The following ZYX variants were observed in gnomAD, a reference collection of about 807,000 sequenced individuals.
The protein encoded by ZYX is zyxin.
ZYX carries 37 observed loss-of-function variants against 58.1 expected under a neutral mutation model. The observed-to-expected ratio is 0.64, with a 90% CI of 0.49 to 0.84. ZYX has a LOEUF of 0.84. Among genes scored for constraint, ZYX ranks in the 40% least tolerant of loss-of-function variants. The pLI, the probability that ZYX is intolerant of heterozygous loss-of-function variation, is 0.00. For missense variants in ZYX, 762 were observed against 761.6 expected (o/e 1.00, Z -0.01); for synonymous variants, 324 against 321.1 (o/e 1.01, Z -0.10).
rs1804997741 is a variant in ZYX, at chr7:143,389,618, C to CACCG, written c.1494-238_1494-235dup. Among the ~76,000 whole-genome samples the CACCG allele has an allele frequency of 1.3e-5, 2 of 152,130 alleles. No individual in the cohort carries two copies. Among genetic ancestry groups the CACCG allele is most frequent in the African/African-American group, 4.8e-5 (2 of 41,428 alleles). On this transcript the variant is annotated intron_variant, in intron 8 of 9. Transcript: ENST00000322764. The surrounding 1 kb of genome is among the most constrained non-coding windows in gnomAD (Gnocchi z 5.6). ...ACAGTAAGGGTCGAGTGGGAGAGAACACCGTGGCAGGTGTGTGGGAGGCTC... is the reference window on the plus strand; with the variant it reads ...ACAGTAAGGGTCGAGTGGGAGAGAACACCGACCGTGGCAGGTGTGTGGGAGGCTC...
At position 143,385,747 on chromosome 7, in the gene ZYX, G is replaced by A. The variant is rs1374023006; in HGVS notation, c.1023+2425G>A. 3.8e-5 allele frequency among the ~76,000 whole-genome samples: 5 copies of A among 130,852 alleles called. No individual in the cohort carries two copies. The East Asian group carries it at 8.0e-4, about 21-fold the overall frequency. 85.8% of individuals were successfully genotyped at this position (130,852 alleles called of 152,430 possible). A position where few individuals can be genotyped will look rare whatever the true frequency, so the allele number is the denominator to read the frequency against. ...CAACCTCCGCCCCCCTGGCTCAAACGATTCTCCTGTCTCAGCCTCCCAAGT... is the reference window on the plus strand; with the variant it reads ...CAACCTCCGCCCCCCTGGCTCAAACAATTCTCCTGTCTCAGCCTCCCAAGT... On this transcript the variant is annotated intron_variant, in intron 5 of 9. Transcript: ENST00000322764.
rs992076509 is a variant in ZYX, at chr7:143,386,360, C to T, written c.1024-1859C>T. Among the ~76,000 whole-genome samples the T allele has an allele frequency of 2.0e-5, 3 of 151,872 alleles. No individual in the cohort carries two copies. The East Asian group carries it at 5.8e-4, about 29-fold the overall frequency. On this transcript the variant is annotated intron_variant, in intron 5 of 9. Transcript: ENST00000322764. ...TGAGGGAGCTTAAGCTGGCTGGCTTCCATGTCCTCAACCATGTGGGAGGTG... is the reference window on the plus strand; with the variant it reads ...TGAGGGAGCTTAAGCTGGCTGGCTTTCATGTCCTCAACCATGTGGGAGGTG...
rs1472872492 is a variant in ZYX at position 143,390,629 on chromosome 7, C to T, written c.1666C>T (p.Leu556=). Residue 556 remains leucine, a synonymous_variant, in exon 10 of 10, where the codon CTG becomes TTG. Coordinates refer to ENST00000322764, the MANE Select transcript of ZYX (RefSeq NM_003461.5). The surrounding 1 kb of genome is among the most constrained non-coding windows in gnomAD (Gnocchi z 4.3). ...GGCAGATGACAATGGCTGCTTCCCC[C>T]TGGACGGTCACGTGCTCTGTCGGAA... ...IEADDNGCFP[L]DGHVLCRKCH... is the part of the protein sequence containing the mutation. The T allele has an allele frequency of 1.3e-6, 2 of 1,587,420 alleles. No individual in the cohort carries two copies. Among genetic ancestry groups the T allele is most frequent in the Non-Finnish European group, 1.7e-6 (2 of 1,166,860 alleles).
At chr7:143,382,108 C>T (rs1033087074) in intron 2 of ZYX, 140 bp from the exon 3 acceptor site, 2 of 649,138 alleles carry the variant, frequency 3.1e-6, no homozygotes, top group South Asian at 2.5e-5. Flanking sequence ...CCAGGGCGCC[C>T]TGCGCCCCTC....
In ZYX at chr7:143,383,053, C is replaced by T. The variant is rs746670237; in HGVS notation, c.754C>T (p.Pro252Ser). The change falls in exon 5 of 10, where the codon CCC becomes TCC. Residue 252 changes from proline (P) to serine (S), a missense_variant. Physicochemically the swap from Pro to Ser is moderately conservative, Grantham distance 74. Transcript: ENST00000322764. ...GCCTGTGTCTTTGGCTAACACCCAG[C>T]CCCGAGGGCCCCCAGCCTCATCTCC... Reference protein sequence around the residue: ...TQPVSLANTQPRGPPASSPAP... With the variant: ...TQPVSLANTQSRGPPASSPAP... 1.1e-5 allele frequency: 18 copies of T among 1,614,206 alleles called. No homozygotes were observed. The Admixed American group carries it at 1.7e-4, about 15-fold the overall frequency.
In ZYX at chr7:143,383,008, C is replaced by T. The variant is rs753147107; in HGVS notation, c.709C>T (p.His237Tyr). Reference protein sequence around the residue: ...QPQPKPQVQLHVQSQTQPVSL... With the variant: ...QPQPKPQVQLYVQSQTQPVSL... The stretch of plus-strand genomic sequence containing the variant: ...CCAGCCCAAGCCTCAGGTCCAACTC[C>T]ATGTCCAGTCCCAGACCCAGCCTGT... Residue 237 changes from histidine (H) to tyrosine (Y), a missense_variant, in exon 5 of 10, where the codon CAT (histidine) becomes TAT (tyrosine). His to Tyr is a moderately conservative substitution (Grantham distance 83). Coordinates refer to ENST00000322764, the MANE Select transcript of ZYX (RefSeq NM_003461.5). The T allele has an allele frequency of 1.5e-5, 25 of 1,613,822 alleles. No homozygotes were observed. The highest frequency in any genetic ancestry group is 5.0e-5 in the Admixed American group (3 of 59,998).
Position 143,388,408 on chromosome 7 carries a change from C to T in ZYX, c.1144+69C>T. ...ACGGTGGGGGCCAGGGCTGTGGCTC[C>T]ACTCCCTATCTGAGCTGGCTGATCC... On this transcript the variant is annotated intron_variant, in intron 6 of 9. Transcript: ENST00000322764. The surrounding 1 kb of genome is among the most constrained non-coding windows in gnomAD (Gnocchi z 7.5). 1.9e-6 allele frequency: 3 copies of T among 1,607,494 alleles called. No homozygotes were observed. The highest frequency in any genetic ancestry group is 1.7e-6 in the Non-Finnish European group (2 of 1,175,404).
In ZYX at chr7:143,381,677, G is replaced by A; in HGVS notation, c.106G>A (p.Val36Met). The part of the protein sequence containing the change: ...FGPVVAPKPK[V>M]NPFRPGDSEP... ...CCCTGTGGTGGCCCCAAAGCCCAAA[G>A]TGAATCCCTTCCGGCCCGGGGACAG... The change falls in exon 2 of 10, where the codon GTG becomes ATG. Residue 36 changes from valine (V) to methionine (M), a missense_variant. Coordinates refer to ENST00000322764, the MANE Select transcript of ZYX (RefSeq NM_003461.5). 6.2e-7 allele frequency: 1 copy of A among 1,611,148 alleles called. No individual in the cohort carries two copies. The highest frequency in any genetic ancestry group is 8.5e-7 in the Non-Finnish European group (1 of 1,179,108).
intron 1 of ZYX, 23 bp from the exon 2 acceptor site, chr7:143,381,534 C>T (rs1216263667): frequency 6.3e-7 from 1 of 1,591,884 alleles, no homozygotes; most frequent in African/African-American, 1.3e-5. Context: ...CTCCGCGCTG[C>T]GTAACCCGGC....
chr7:143,388,308 G>A lies in ZYX; in HGVS notation c.1113G>A (p.Glu371=), dbSNP rs1410265789. ...QLTQQLMQDM[E]HPQRQNVAVN... ...CCCAGCAGCTAATGCAGGACATGGA[G>A]CATCCTCAGAGGCAGAATGTGGCTG... The change falls in exon 6 of 10, where the codon GAG becomes GAA. Residue 371 remains glutamate (E), a synonymous_variant. Coordinates refer to ENST00000322764, the MANE Select transcript of ZYX (RefSeq NM_003461.5). This position sits in a 1 kb window ranked among gnomAD's most constrained non-coding sequence, Gnocchi z 7.5. 29 of 1,613,702 alleles carry A rather than the reference G, an allele frequency of 1.8e-5. No homozygotes were observed. The highest frequency in any genetic ancestry group is 5.3e-5 in the African/African-American group (4 of 74,842).
At position 143,382,296 on chromosome 7, in the gene ZYX, A is replaced by T. The variant is rs200777607; in HGVS notation, c.257A>T (p.Glu86Val). Residue 86 changes from glutamate (E) to valine (V), a missense_variant, in exon 3 of 10, where the codon GAG becomes GTG. Physicochemically the swap from Glu to Val is moderately radical, Grantham distance 121. Coordinates refer to ENST00000322764, the MANE Select transcript of ZYX (RefSeq NM_003461.5). The part of the protein sequence containing the change: ...PPLAGDGDDA[E>V]GALGGAFPPP... ...CTTGCTGGGGATGGCGACGATGCAGAGGGTGCTCTGGGAGGTGCCTTCCCG... is the reference window on the plus strand; with the variant it reads ...CTTGCTGGGGATGGCGACGATGCAGTGGGTGCTCTGGGAGGTGCCTTCCCG... The T allele has an allele frequency of 2.5e-6, 4 of 1,612,678 alleles. No homozygotes were observed. The highest frequency in any genetic ancestry group is 3.4e-6 in the Non-Finnish European group (4 of 1,179,470).
At chr7:143,382,136 C>A (rs750527092) in intron 2 of ZYX, 112 bp from the exon 3 acceptor site, 61 of 938,916 alleles carry the variant, frequency 6.5e-5, no homozygotes, top group Non-Finnish European at 9.0e-5. Context: ...TCCCCACACG[C>A]TCTGGGACCC....
rs1477942336 is a variant in ZYX, at chr7:143,387,161, A to G, written c.1024-1058A>G. Among the ~76,000 whole-genome samples the G allele has an allele frequency of 6.6e-6, 1 of 151,732 alleles. No individual in the cohort carries two copies. The highest frequency in any genetic ancestry group is 1.5e-5 in the Non-Finnish European group (1 of 68,014). ...AAGATGGCTAAGATCTTAAGGGAAA[A>G]TGGCTAAGATCTGGAGAGTTGGACT... On this transcript the variant is annotated intron_variant, in intron 5 of 9. Coordinates refer to ENST00000322764, the MANE Select transcript of ZYX (RefSeq NM_003461.5). The surrounding 1 kb of genome is among the most constrained non-coding windows in gnomAD (Gnocchi z 5.8).
At chr7:143,383,973 A>G (rs1804764816) in intron 5 of ZYX, 1 of 325,816 alleles carries the variant, frequency 3.1e-6, no homozygotes, top group South Asian at 2.3e-5. Flanking sequence ...TCTCTACTCC[A>G]TACAGTGGTT....
chr7:143,390,797 A>C lies in ZYX; in HGVS notation c.*115A>C, dbSNP rs999603946. 5.0e-5 allele frequency: 39 copies of C among 786,998 alleles called. No individual in the cohort carries two copies. Among genetic ancestry groups the C allele is most frequent in the Non-Finnish European group, 7.9e-5 (38 of 479,666 alleles). 48.8% of individuals were successfully genotyped at this position (786,998 alleles called of 1,614,324 possible). ...TGATGTCTAGCCCCTCCCATTTCCA[A>C]CCCCTCCCTAGCATCCCAGGTGCCC... On this transcript the variant is annotated 3_prime_UTR_variant, in exon 10 of 10. Transcript: ENST00000322764. The surrounding 1 kb of genome is among the most constrained non-coding windows in gnomAD (Gnocchi z 4.3).
At chr7:143,386,133 A>G (rs939850790) in intron 5 of ZYX, among the ~76,000 whole-genome samples, 3 of 151,726 alleles carry the variant, frequency 2.0e-5, no homozygotes, top group Non-Finnish European at 4.4e-5. Context: ...TCTGTGGTGT[A>G]GCATATGTGG....
At position 143,387,677 on chromosome 7, in the gene ZYX, G is replaced by A. The variant is rs1187016671; in HGVS notation, c.1024-542G>A. The A allele has an allele frequency of 2.1e-6, 1 of 471,088 alleles. No individual in the cohort carries two copies. Among genetic ancestry groups the A allele is most frequent in the Non-Finnish European group, 4.4e-6 (1 of 226,964 alleles). 29.2% of individuals were successfully genotyped at this position (471,088 alleles called of 1,614,324 possible). A position where few individuals can be genotyped will look rare whatever the true frequency, so the allele number is the denominator to read the frequency against. The stretch of plus-strand genomic sequence containing the variant: ...CCCTCACTCGAGGGACAGGGTCTCT[G>A]TGTGGGGGTGGGGCTGGGTTCTTGC... On this transcript the variant is annotated intron_variant, in intron 5 of 9. Coordinates refer to ENST00000322764, the MANE Select transcript of ZYX (RefSeq NM_003461.5). The surrounding 1 kb of genome is among the most constrained non-coding windows in gnomAD (Gnocchi z 5.8).
Position 143,388,072 on chromosome 7 carries a change from C to T in ZYX, c.1024-147C>T, listed in dbSNP as rs566422059. On this transcript the variant is annotated intron_variant, in intron 5 of 9. Coordinates refer to ENST00000322764, the MANE Select transcript of ZYX (RefSeq NM_003461.5). The surrounding 1 kb of genome is among the most constrained non-coding windows in gnomAD (Gnocchi z 7.5). ...GCTGGGGATGGCGGGGGTAGGGGGA[C>T]GAGGGAGAAGCTTTAAGGGTCAAGC... The T allele has an allele frequency of 4.4e-5, 42 of 946,224 alleles. No homozygotes were observed. The highest frequency in any genetic ancestry group is 8.3e-5 in the African/African-American group (5 of 60,180). The allele number at this position is 946,224 out of a possible 1,614,324, so 58.6% of individuals were successfully genotyped here.
In ZYX at chr7:143,382,288, C is replaced by T. The variant is rs564604044; in HGVS notation, c.249C>T (p.Asp83=). 8 of 1,612,782 alleles carry T rather than the reference C, an allele frequency of 5.0e-6. No homozygotes were observed. The African/African-American group carries it at 9.3e-5, about 19-fold the overall frequency. The change falls in exon 3 of 10, where the codon GAC becomes GAT. Residue 83 remains aspartate (D), a synonymous_variant. Transcript: ENST00000322764. ...CACCTCCCCTTGCTGGGGATGGCGA[C>T]GATGCAGAGGGTGCTCTGGGAGGTG... ...LPPPPLAGDG[D]DAEGALGGAF...
Sources: gnomAD v4.1 joint callset for allele counts (sites outside exome capture counted in the v4.1 genomes callset) on GRCh38, gnomAD v4.1.1 for gene constraint, Gnocchi (gnomAD v3.1) non-coding constraint, MANE v1.5 for transcripts, NCBI Gene and HGNC (gene_info 2026-07-23, HGNC 2026-07-21) for gene names.